The following ELMOD1 variants were observed in gnomAD, a reference collection of about 807,000 sequenced individuals.
The protein encoded by ELMOD1 is ELMO domain-containing protein 1.
Under a neutral mutation model 46.7 loss-of-function variants are expected in ELMOD1, and 21 were observed. That is an observed-to-expected ratio of 0.45 (90% CI 0.32 to 0.65). The LOEUF (loss-of-function observed/expected upper bound fraction) is 0.65, where lower values mean the gene tolerates loss of function less well. ELMOD1 is among the 30% of genes least tolerant of loss of function. ELMOD1 has a pLI of 0.04. For missense variants in ELMOD1, 348 were observed against 407.8 expected (o/e 0.85, Z 1.26); for synonymous variants, 122 against 138.2 (o/e 0.88, Z 0.82).
chr11:107,631,135 A>G (rs1045916477), intron 4 of ELMOD1, among the ~76,000 whole-genome samples: 1 of 152,156 alleles, frequency 6.6e-6, no homozygotes, highest in African/African-American at 2.4e-5. Flanking sequence ...TGGAGCATCC[A>G]TATAAGAAAG....
At chr11:107,593,105 A>C (rs1006239332) in intron 1 of ELMOD1, 3 of 152,604 alleles carry the variant, frequency 2.0e-5, no homozygotes, top group Non-Finnish European at 2.9e-5. Flanking sequence ...TCCAACAAAG[A>C]CCTACCGCAG....
intron 6 of ELMOD1, among the ~76,000 whole-genome samples, chr11:107,640,012 T>A (rs1472819618): frequency 6.6e-6 from 1 of 152,136 alleles, no homozygotes; most frequent in Non-Finnish European, 1.5e-5. Context: ...ATTTTATGCA[T>A]ATTTATTTTG....
intron 11 of ELMOD1, among the ~76,000 whole-genome samples, chr11:107,658,803 C>T (rs560416570): frequency 2.4e-4 from 37 of 152,274 alleles, no homozygotes; most frequent in South Asian, 1.7e-3. Flanking sequence ...GGTGTGATGG[C>T]GCACGCCTGT....
Position 107,644,667 on chromosome 11 carries a change from G to C in ELMOD1, c.421-2801G>C, listed in dbSNP as rs1866388246. On this transcript the variant is annotated intron_variant, in intron 6 of 11. Coordinates refer to ENST00000265840, the MANE Select transcript of ELMOD1 (RefSeq NM_018712.4). ...TTTTTTGTATTTTTAGTAGAGACGG[G>C]GTTTTACCGTGTTAGCCAGGATGGT... Among the ~76,000 whole-genome samples, 3 of 151,888 alleles carry C rather than the reference G, an allele frequency of 2.0e-5. No homozygotes were observed. The South Asian group carries it at 6.2e-4, about 32-fold the overall frequency.
chr11:107,666,075 A>C lies in ELMOD1; in HGVS notation c.*878A>C, dbSNP rs1052608234. 1 of 152,220 alleles carries C rather than the reference A, an allele frequency of 6.6e-6. No individual in the cohort carries two copies. The highest frequency in any genetic ancestry group is 2.4e-5 in the African/African-American group (1 of 41,460). The allele number at this position is 152,220 out of a possible 1,614,324, so 9.4% of individuals were successfully genotyped here. A position where few individuals can be genotyped will look rare whatever the true frequency, so the allele number is the denominator to read the frequency against. ...GTTCCTGCAAACATAGCTATGCTTCATGAGGCTTACAAGAAGTAACTTTAG... is the reference window on the plus strand; with the variant it reads ...GTTCCTGCAAACATAGCTATGCTTCCTGAGGCTTACAAGAAGTAACTTTAG... On this transcript the variant is annotated 3_prime_UTR_variant, in exon 12 of 12. Transcript: ENST00000265840.
intron 6 of ELMOD1, chr11:107,643,820 A>T: frequency 6.3e-6 from 2 of 316,694 alleles, no homozygotes; most frequent in Non-Finnish European, 1.3e-5. Context: ...TCGTCAGGCC[A>T]GGTGCCCAGC....
chr11:107,611,618 T>C (rs755832711), intron 1 of ELMOD1, among the ~76,000 whole-genome samples: 1 of 142,646 alleles, frequency 7.0e-6, no homozygotes, highest in Non-Finnish European at 1.5e-5. Context: ...AGCAGGAGAA[T>C]GGCGTGAACC....
intron 7 of ELMOD1, among the ~76,000 whole-genome samples, chr11:107,650,019 G>A (rs973461416): frequency 5.3e-5 from 8 of 151,896 alleles, no homozygotes; most frequent in East Asian, 1.9e-4. Context: ...CAAACTATTC[G>A]ACCTCCTCTT....
At chr11:107,625,662 T>C (rs913325238) in intron 2 of ELMOD1, 3 of 653,734 alleles carry the variant, frequency 4.6e-6, no homozygotes, top group Non-Finnish European at 5.7e-6. Flanking sequence ...TTGCTTTTGT[T>C]TGGTAGCAGA....
intron 11 of ELMOD1, among the ~76,000 whole-genome samples, chr11:107,661,824 C>T (rs1866744739): frequency 6.6e-6 from 1 of 152,146 alleles, no homozygotes; most frequent in Admixed American, 6.5e-5. Flanking sequence ...GCAGATCATT[C>T]TTGGAATATT....
At chr11:107,637,771 A>G (rs577404444) in intron 6 of ELMOD1, among the ~76,000 whole-genome samples, 1 of 152,038 alleles carries the variant, frequency 6.6e-6, no homozygotes, top group Admixed American at 6.5e-5. Context: ...AATGTTTTCC[A>G]TGCCCAATGC....
intron 1 of ELMOD1, among the ~76,000 whole-genome samples, chr11:107,617,831 A>G (rs955567564): frequency 6.6e-6 from 1 of 152,212 alleles, no homozygotes; most frequent in Admixed American, 6.5e-5. Context: ...TAGGAACAAT[A>G]CCCAAAATAA....
At chr11:107,626,122 A>C (rs1388249785) in intron 2 of ELMOD1, among the ~76,000 whole-genome samples, 1 of 152,202 alleles carries the variant, frequency 6.6e-6, no homozygotes, top group Non-Finnish European at 1.5e-5. Context: ...AGAATCTTCC[A>C]TCAAAATGAA....
intron 1 of ELMOD1, chr11:107,591,759 T>C (rs1865397577): frequency 2.2e-6 from 1 of 447,702 alleles, no homozygotes; most frequent in Non-Finnish European, 4.7e-6. Context: ...AGAGCCAAAA[T>C]GGAAGGCGGG....
Position 107,650,350 on chromosome 11 carries a change from G to C in ELMOD1, c.570G>C (p.Arg190Ser), listed in dbSNP as rs757380889. 4 of 1,589,268 alleles carry C rather than the reference G, an allele frequency of 2.5e-6. No homozygotes were observed. In the African/African-American group the frequency reaches 4.0e-5, roughly 16 times the overall value. The change falls in exon 8 of 12, where the codon AGG (arginine) becomes AGC (serine). Residue 190 changes from arginine (R) to serine (S), a missense_variant. Transcript: ENST00000265840. ...CCCGCTGCAGGTATTTCGCGGAAAGGGATGCCACAGCAGCTCAGCAGGTCC... is the reference window on the plus strand; with the variant it reads ...CCCGCTGCAGGTATTTCGCGGAAAGCGATGCCACAGCAGCTCAGCAGGTCC... ...GLYNLQYFAE[R>S]DATAAQQVLS...
intron 6 of ELMOD1, among the ~76,000 whole-genome samples, chr11:107,640,718 T>G (rs1473798901): frequency 2.0e-5 from 3 of 152,232 alleles, no homozygotes; most frequent in Non-Finnish European, 4.4e-5. Context: ...CATGTACAAT[T>G]TTTTGACCCT....
Position 107,665,561 on chromosome 11 carries a change from C to T in ELMOD1, c.*364C>T, listed in dbSNP as rs1866827936. On this transcript the variant is annotated 3_prime_UTR_variant, in exon 12 of 12. Coordinates refer to ENST00000265840, the MANE Select transcript of ELMOD1 (RefSeq NM_018712.4). Reference sequence around the variant, plus strand: ...GTAAGAGGTTTAGCTGAATCTCATTCTGTGAAAGCCTTTTAATTTATTGAA... The same window carrying T: ...GTAAGAGGTTTAGCTGAATCTCATTTTGTGAAAGCCTTTTAATTTATTGAA... The T allele has an allele frequency of 5.6e-6, 1 of 177,550 alleles. No individual in the cohort carries two copies. 11.0% of individuals were successfully genotyped at this position (177,550 alleles called of 1,614,324 possible). A position where few individuals can be genotyped will look rare whatever the true frequency, so the allele number is the denominator to read the frequency against.
chr11:107,617,294 T>C (rs894532439), intron 1 of ELMOD1, among the ~76,000 whole-genome samples: 1 of 152,232 alleles, frequency 6.6e-6, no homozygotes, highest in African/African-American at 2.4e-5. Context: ...TGCCCGCAGC[T>C]CTTTTTCGAA....
rs746188749 is a variant in ELMOD1, at chr11:107,647,647, C to A, written c.554+46C>A. On this transcript the variant is annotated intron_variant, in intron 7 of 11. Transcript: ENST00000265840. Reference sequence around the variant, plus strand: ...CTAAGTGTTCGAGTGATGTTTTGGTCTCCTCATACTGAAATGGCAAAAGTT... The same window carrying A: ...CTAAGTGTTCGAGTGATGTTTTGGTATCCTCATACTGAAATGGCAAAAGTT... 4 of 1,574,630 alleles carry A rather than the reference C, an allele frequency of 2.5e-6. No homozygotes were observed. The South Asian group carries it at 4.8e-5, about 19-fold the overall frequency.
Sources: gnomAD v4.1 joint callset for allele counts (sites outside exome capture counted in the v4.1 genomes callset) on GRCh38, gnomAD v4.1.1 for gene constraint, MANE v1.5 for transcripts, NCBI Gene and HGNC (gene_info 2026-07-23, HGNC 2026-07-21) for gene names.